The following FHIT variants were observed in gnomAD, a reference collection of about 807,000 sequenced individuals.
FHIT encodes the protein bis(5'-adenosyl)-triphosphatase.
In FHIT, 19 loss-of-function variants were observed where a neutral mutation model predicts 17.9. The observed-to-expected ratio is 1.06, with a 90% CI of 0.74 to 1.56. The LOEUF is 1.56. Among genes scored for constraint, FHIT ranks in the 40% most tolerant of loss-of-function variants. The pLI is 0.00. For synonymous variants in FHIT, 81 were observed against 69.7 expected, an observed-to-expected ratio of 1.16 and a Z score of -0.81; for missense variants, 248 against 189.2, an observed-to-expected ratio of 1.31 and a Z score of -1.82.
At chr3:59,920,295 C>A (rs1035218266) in intron 8 of FHIT, among the ~76,000 whole-genome samples, 1 of 152,144 alleles carries the variant, frequency 6.6e-6, no homozygotes, top group Non-Finnish European at 1.5e-5. Context: ...TCTTGTACCA[C>A]AATTTCCCTT....
At chr3:61,097,288 G>A (rs912710649) in intron 2 of FHIT, among the ~76,000 whole-genome samples, 3 of 152,092 alleles carry the variant, frequency 2.0e-5, no homozygotes, top group African/African-American at 7.2e-5. Context: ...AGCAGGGCAA[G>A]GCATCGCCTC....
chr3:59,813,406 A>G (rs1489209237), intron 8 of FHIT, among the ~76,000 whole-genome samples: 1 of 152,180 alleles, frequency 6.6e-6, no homozygotes, highest in East Asian at 1.9e-4. Context: ...CTTTCCTGCC[A>G]GCTTAAGAAG....
At chr3:59,908,070 A>ATCT (rs771111971) in intron 8 of FHIT, among the ~76,000 whole-genome samples, 15 of 152,202 alleles carry the variant, frequency 9.9e-5, no homozygotes, top group Non-Finnish European at 2.2e-4. Context: ...CTCTAATTGA[A>ATCT]TCTTCTACTT....
intron 8 of FHIT, among the ~76,000 whole-genome samples, chr3:59,862,176 G>A (rs926369520): frequency 2.0e-5 from 3 of 152,226 alleles, no homozygotes; most frequent in Admixed American, 1.3e-4. Context: ...CATGGTGGGG[G>A]AGACCTCACA....
At chr3:60,969,848 T>G (rs530579021) in intron 3 of FHIT, among the ~76,000 whole-genome samples, 1 of 152,308 alleles carries the variant, frequency 6.6e-6, no homozygotes, top group South Asian at 2.1e-4. Context: ...TTGAATCTTC[T>G]ATATGTTTAC....
intron 2 of FHIT, among the ~76,000 whole-genome samples, chr3:61,179,173 C>A (rs571264193): frequency 4.3e-4 from 65 of 151,998 alleles, no homozygotes; most frequent in Non-Finnish European, 8.4e-4. Context: ...CCATGCCTGG[C>A]TAATTTTTGT....
chr3:60,510,930 T>G (rs1220546371), intron 5 of FHIT, among the ~76,000 whole-genome samples: 1 of 152,212 alleles, frequency 6.6e-6, no homozygotes, highest in Non-Finnish European at 1.5e-5. Context: ...TCGGAGGTCT[T>G]ACATCTAATG....
chr3:60,370,245 A>C (rs930376873), intron 5 of FHIT, among the ~76,000 whole-genome samples: 1 of 152,134 alleles, frequency 6.6e-6, no homozygotes, highest in African/African-American at 2.4e-5. Context: ...TATGAAGCCC[A>C]ATTCAGTTAG....
intron 4 of FHIT, among the ~76,000 whole-genome samples, chr3:60,643,485 C>A (rs144501758): frequency 4.0e-4 from 61 of 152,220 alleles, no homozygotes; most frequent in African/African-American, 1.3e-3. Context: ...AGGCATATTA[C>A]CCGACTTCAG....
chr3:61,028,845 G>A (rs963683395), intron 3 of FHIT, among the ~76,000 whole-genome samples: 1 of 150,328 alleles, frequency 6.7e-6, no homozygotes, highest in South Asian at 2.1e-4. Flanking sequence ...GAACTAGACA[G>A]AGGGATTCCA....
chr3:60,159,842 C>T (rs1357904633), intron 5 of FHIT, among the ~76,000 whole-genome samples: 1 of 152,024 alleles, frequency 6.6e-6, no homozygotes, highest in Non-Finnish European at 1.5e-5. Flanking sequence ...GGAACATGCT[C>T]ATAACCATGA....
At chr3:59,928,235 C>T (rs567782496) in intron 7 of FHIT, among the ~76,000 whole-genome samples, 2 of 152,326 alleles carry the variant, frequency 1.3e-5, no homozygotes, top group South Asian at 4.1e-4. Flanking sequence ...TATCCATGAC[C>T]TAATCCCTGA....
At chr3:60,030,678 C>T (rs1243152947) in intron 5 of FHIT, among the ~76,000 whole-genome samples, 1 of 152,052 alleles carries the variant, frequency 6.6e-6, no homozygotes, top group African/African-American at 2.4e-5. Context: ...CAGTATACTG[C>T]CCATAGAGCA....
At chr3:60,648,721 G>A (rs1164528964) in intron 4 of FHIT, among the ~76,000 whole-genome samples, 1 of 152,178 alleles carries the variant, frequency 6.6e-6, no homozygotes, top group Non-Finnish European at 1.5e-5. Flanking sequence ...GAGCTAATGT[G>A]AGATGAAAAG....
chr3:60,313,337 A>G (rs1273674961), intron 5 of FHIT, among the ~76,000 whole-genome samples: 1 of 152,226 alleles, frequency 6.6e-6, no homozygotes, highest in Non-Finnish European at 1.5e-5. Flanking sequence ...TGCCTTCTCA[A>G]GTAGGTCAAG....
intron 5 of FHIT, among the ~76,000 whole-genome samples, chr3:60,418,394 A>ATG (rs1702337283): frequency 9.3e-6 from 1 of 107,146 alleles, no homozygotes; most frequent in Non-Finnish European, 1.7e-5. Flanking sequence ...ATATATATAT[A>ATG]TATATATATA....
intron 5 of FHIT, among the ~76,000 whole-genome samples, chr3:60,110,909 C>A (rs1704641343): frequency 6.6e-6 from 1 of 152,062 alleles, no homozygotes; most frequent in Non-Finnish European, 1.5e-5. Flanking sequence ...GAACACACCC[C>A]ATCTAATCTC....
At chr3:60,705,785 G>A (rs76802511) in intron 4 of FHIT, among the ~76,000 whole-genome samples, 1,674 of 152,148 alleles carry the variant, frequency 0.011, 32 homozygotes, top group African/African-American at 0.038. Context: ...CTACACATGC[G>A]TCTCACACCC....
rs77628113 is a variant in FHIT, at chr3:60,199,724, C to T, written c.104-185572G>A. The stretch of plus-strand genomic sequence containing the variant: ...AGAACATTCAAGGTCAATGATAAGA[C>T]TATTAGAAAGATTTTTATTTAAACA... On this transcript the variant is annotated intron_variant, in intron 5 of 9. Transcript: ENST00000492590. Among the ~76,000 whole-genome samples, 437 of 152,158 alleles carry T rather than the reference C, an allele frequency of 2.9e-3. 3 individuals are homozygous for T. Among genetic ancestry groups the T allele is most frequent in the African/African-American group, 1.0e-2 (414 of 41,508 alleles).
Sources: gnomAD v4.1 joint callset for allele counts (sites outside exome capture counted in the v4.1 genomes callset) on GRCh38, gnomAD v4.1.1 for gene constraint, MANE v1.5 for transcripts, NCBI Gene and HGNC (gene_info 2026-07-23, HGNC 2026-07-21) for gene names.